Variants in PKD1L3 observed in about 807,000 individuals in gnomAD.
PKD1L3 encodes the protein polycystin 1 like 3, transient receptor potential channel interacting.
PKD1L3 carries 239 observed loss-of-function variants against 184.1 expected under a neutral mutation model. The observed-to-expected ratio is 1.30, with a 90% CI of 1.17 to 1.45. PKD1L3 has a LOEUF of 1.45. PKD1L3 is among the 40% of genes most tolerant of loss of function. The probability of loss-of-function intolerance (pLI) is 0.00; values close to 1 mark genes in which losing one functional copy is unlikely to be tolerated. For synonymous variants in PKD1L3, 996 were observed against 778.8 expected (o/e 1.28, Z -4.64); for missense variants, 2,660 against 2,067.2 (o/e 1.29, Z -5.56).
At chr16:71,993,116 C>T (rs2040653998) in intron 3 of PKD1L3, 100 bp downstream of exon 3, 3 of 806,798 alleles carry the variant, frequency 3.7e-6, no homozygotes, top group Non-Finnish European at 3.8e-6. Context: ...ATATTGGGCA[C>T]ATGTTATAAC....
At position 71,967,321 on chromosome 16, in the gene PKD1L3, A is replaced by G. The variant is rs1597335773; in HGVS notation, c.2287-6T>C. ...CCATAGAGGGTGATGACAACCTACA[A>G]TGAGACAGGGAAAGATAAAATATAA... On this transcript the variant is annotated splice_region_variant and splice_polypyrimidine_tract_variant and intron_variant, in intron 14 of 29. Coordinates refer to ENST00000620267, the MANE Select transcript of PKD1L3 (RefSeq NM_181536.2). 4 of 1,548,146 alleles carry G rather than the reference A, an allele frequency of 2.6e-6. No homozygotes were observed. Among genetic ancestry groups the G allele is most frequent in the Non-Finnish European group, 3.5e-6 (4 of 1,145,534 alleles).
intron 28 of PKD1L3, among the ~76,000 whole-genome samples, chr16:71,932,697 T>C (rs757530484): frequency 3.9e-5 from 6 of 151,906 alleles, no homozygotes; most frequent in Non-Finnish European, 7.4e-5. Flanking sequence ...CAGGCTGGTC[T>C]TGAACTCCTG....
chr16:71,972,793 G>C (rs1294696801), intron 12 of PKD1L3, among the ~76,000 whole-genome samples: 6 of 152,140 alleles, frequency 3.9e-5, no homozygotes, highest in Admixed American at 3.9e-4. Context: ...CATTCTTTGA[G>C]CAACCAAACC....
At chr16:71,993,129 A>G (rs1356350890) in intron 3 of PKD1L3, 87 bp downstream of exon 3, 10 of 948,364 alleles carry the variant, frequency 1.1e-5, no homozygotes, top group Non-Finnish European at 1.6e-5. Context: ...GTTATAACAC[A>G]TTTCAGCATT....
In PKD1L3 at chr16:71,969,963, A is replaced by G. The variant is rs780616773; in HGVS notation, c.2096T>C (p.Val699Ala). The G allele has an allele frequency of 2.6e-5, 40 of 1,551,696 alleles. No homozygotes were observed. The highest frequency in any genetic ancestry group is 3.4e-5 in the Non-Finnish European group (39 of 1,147,048). ...KLFLRVTNNPVGVSLLASLLG... is the reference protein window; with the variant it reads ...KLFLRVTNNPAGVSLLASLLG... ...AAGGCTGGCCAGCAGTGACACCCCA[A>G]CAGGATTGTTGGTCACGCGAAGGAA... is the stretch of plus-strand genomic sequence containing the variant. The change falls in exon 13 of 30, where the codon GTT becomes GCT. Residue 699 changes from valine (V) to alanine (A), a missense_variant. Coordinates refer to ENST00000620267, the MANE Select transcript of PKD1L3 (RefSeq NM_181536.2).
chr16:71,935,626 C>T, intron 25 of PKD1L3, 108 bp from the exon 26 acceptor site: 1 of 1,045,118 alleles, frequency 9.6e-7, no homozygotes, highest in Non-Finnish European at 1.4e-6. Context: ...AGCACACTGC[C>T]AGGCATTTAT....
chr16:71,989,187 C>T (rs1455660272), intron 4 of PKD1L3, among the ~76,000 whole-genome samples: 1 of 152,200 alleles, frequency 6.6e-6, no homozygotes, highest in Admixed American at 6.5e-5. Context: ...TGCAGTCTCC[C>T]TCTGTCGCCC....
intron 11 of PKD1L3, among the ~76,000 whole-genome samples, chr16:71,975,283 C>T (rs1399340326): frequency 6.7e-6 from 1 of 149,764 alleles, no homozygotes; most frequent in Non-Finnish European, 1.5e-5. Flanking sequence ...GTCTCAAATT[C>T]CTGGGCTTAA....
intron 5 of PKD1L3, among the ~76,000 whole-genome samples, chr16:71,985,756 A>G (rs1473004271): frequency 6.6e-6 from 1 of 152,114 alleles, no homozygotes; most frequent in Non-Finnish European, 1.5e-5. Flanking sequence ...TTAGTAGAGA[A>G]AGGTCTTGCT....
At chr16:71,971,483 T>C (rs2039706590) in intron 12 of PKD1L3, among the ~76,000 whole-genome samples, 5 of 152,198 alleles carry the variant, frequency 3.3e-5, no homozygotes, top group Admixed American at 3.3e-4. Context: ...GAAGAACTCT[T>C]GCGCTGTATT....
At position 71,930,101 on chromosome 16, in the gene PKD1L3, A is replaced by G; in HGVS notation, c.5009T>C (p.Phe1670Ser). 6.4e-7 allele frequency: 1 copy of G among 1,551,610 alleles called. No individual in the cohort carries two copies. The highest frequency in any genetic ancestry group is 8.7e-7 in the Non-Finnish European group (1 of 1,146,910). ...ILMVLVVINL[F>S]VSAILMAFGK... ...AAAGGCCATGAGAATGGCCGAAACG[A>G]AAAGATTAATTACCACAAGTACCAT... The change falls in exon 29 of 30, where the codon TTC (phenylalanine) becomes TCC (serine). Residue 1670 changes from phenylalanine to serine, a missense_variant. By Grantham distance (155) the Phe-to-Ser change is radical. Coordinates refer to ENST00000620267, the MANE Select transcript of PKD1L3 (RefSeq NM_181536.2).
At chr16:71,938,650 A>G (rs571477118) in intron 24 of PKD1L3, among the ~76,000 whole-genome samples, 10 of 152,338 alleles carry the variant, frequency 6.6e-5, no homozygotes, top group Admixed American at 5.9e-4. Context: ...AGCCCATAAA[A>G]ACACCAGACT....
At position 71,999,619 on chromosome 16, in the gene PKD1L3, T is replaced by C. The variant is rs571952758; in HGVS notation, c.295+65A>G. 5.5e-5 allele frequency: 74 copies of C among 1,340,636 alleles called. 1 individual carries two copies. The South Asian group carries it at 1.4e-3, about 25-fold the overall frequency. 83.0% of individuals were successfully genotyped at this position (1,340,636 alleles called of 1,614,324 possible). A position where few individuals can be genotyped will look rare whatever the true frequency, so the allele number is the denominator to read the frequency against. ...GCAGAAAGATTAAGATTTTCTTTTTTTTTTCTGTCCCAGAATAAAATATAA... is the reference window on the plus strand; with the variant it reads ...GCAGAAAGATTAAGATTTTCTTTTTCTTTTCTGTCCCAGAATAAAATATAA... On this transcript the variant is annotated intron_variant, in intron 1 of 29. Coordinates refer to ENST00000620267, the MANE Select transcript of PKD1L3 (RefSeq NM_181536.2).
intron 12 of PKD1L3, among the ~76,000 whole-genome samples, chr16:71,971,561 C>T (rs543123305): frequency 2.0e-5 from 3 of 152,110 alleles, no homozygotes; most frequent in Non-Finnish European, 2.9e-5. Context: ...GGGAAATATC[C>T]GATGCCTTCT....
intron 17 of PKD1L3, among the ~76,000 whole-genome samples, 161 bp from the exon 18 acceptor site, chr16:71,953,254 T>C (rs1019730050): frequency 1.3e-5 from 2 of 152,196 alleles, no homozygotes; most frequent in African/African-American, 4.8e-5. Flanking sequence ...CTAATACTGC[T>C]TCATTTGTTA....
Position 71,937,329 on chromosome 16 carries a change from A to G in PKD1L3, c.4415T>C (p.Ile1472Thr), listed in dbSNP as rs373178602. ...ATAGTAACAGACCAGTAGATAATAG[A>G]TGACTTGTGAGATGATAGACCAGAC... ...GCVWSIISQV[I>T]YYLLVCYYAF... The change falls in exon 25 of 30, where the codon ATC (isoleucine) becomes ACC (threonine). Residue 1472 changes from isoleucine (I) to threonine (T), a missense_variant. Ile to Thr is a moderately conservative substitution (Grantham distance 89, BLOSUM62 -1). Coordinates refer to ENST00000620267, the MANE Select transcript of PKD1L3 (RefSeq NM_181536.2). The G allele has an allele frequency of 1.3e-4, 204 of 1,551,648 alleles. No individual in the cohort carries two copies. The highest frequency in any genetic ancestry group is 8.1e-4 in the East Asian group (33 of 40,916).
chr16:71,929,581 G>C lies in PKD1L3; in HGVS notation c.5156C>G (p.Thr1719Arg), dbSNP rs1170781447. 4.5e-6 allele frequency: 7 copies of C among 1,551,668 alleles called. No homozygotes were observed. The South Asian group carries it at 7.1e-5, about 16-fold the overall frequency. The stretch of plus-strand genomic sequence containing the variant: ...AACTTCAGTGTCACTGCCCACTGCT[G>C]TCGTGGCTGCTTGCTCAGATGAGGT... ...QKTSSEQAAT[T>R]AVGSDTEVLD... Residue 1719 changes from threonine to arginine, a missense_variant, in exon 30 of 30, where the codon ACA (threonine) becomes AGA (arginine). Coordinates refer to ENST00000620267, the MANE Select transcript of PKD1L3 (RefSeq NM_181536.2).
chr16:71,958,232 A>C (rs2039123140), intron 16 of PKD1L3, among the ~76,000 whole-genome samples: 1 of 151,552 alleles, frequency 6.6e-6, no homozygotes. Context: ...CTAAAAATAC[A>C]AAAAATTAGC....
intron 16 of PKD1L3, among the ~76,000 whole-genome samples, chr16:71,960,813 C>G (rs1419306761): frequency 2.6e-5 from 4 of 152,106 alleles, no homozygotes; most frequent in Admixed American, 1.3e-4. Flanking sequence ...ATCCTAGCTA[C>G]TCGGGAAGCT....
Sources: gnomAD v4.1 joint callset for allele counts (sites outside exome capture counted in the v4.1 genomes callset) on GRCh38, gnomAD v4.1.1 for gene constraint, MANE v1.5 for transcripts, NCBI Gene and HGNC (gene_info 2026-07-23, HGNC 2026-07-21) for gene names.